Variants in AEBP2 observed in about 807,000 individuals in gnomAD.
AEBP2 encodes AE binding protein 2.
In AEBP2, 10 loss-of-function variants were observed where a neutral mutation model predicts 50.8. That is an observed-to-expected ratio of 0.20 (90% CI 0.12 to 0.33). The LOEUF (loss-of-function observed/expected upper bound fraction) is 0.33, where lower values mean the gene tolerates loss of function less well. Among genes scored for constraint, AEBP2 ranks in the 10% least tolerant of loss-of-function variants. The probability of loss-of-function intolerance (pLI) is 1.00; values close to 1 mark genes in which losing one functional copy is unlikely to be tolerated. For missense variants in AEBP2, 570 were observed against 688.0 expected, an observed-to-expected ratio of 0.83 and a Z score of 1.92; for synonymous variants, 296 against 261.3, an observed-to-expected ratio of 1.13 and a Z score of -1.28.
chr12:19,475,812 G>A (rs1225788712), intron 3 of AEBP2, among the ~76,000 whole-genome samples: 2 of 152,022 alleles, frequency 1.3e-5, no homozygotes, highest in Non-Finnish European at 2.9e-5. Context: ...GTATTGTGTT[G>A]TATATCTTCT....
chr12:19,453,527 G>A (rs1212743527), intron 1 of AEBP2, among the ~76,000 whole-genome samples: 2 of 150,852 alleles, frequency 1.3e-5, no homozygotes, highest in African/African-American at 4.9e-5. Context: ...GGGTTCAAAC[G>A]ATTCTCCTGC....
chr12:19,509,132 G>A, intron 5 of AEBP2: 1 of 505,996 alleles, frequency 2.0e-6, no homozygotes, highest in Admixed American at 2.4e-5. Flanking sequence ...TGTCAGCAGG[G>A]CCTGTGGTGG....
chr12:19,512,965 C>T (rs1949258011), intron 6 of AEBP2, among the ~76,000 whole-genome samples: 1 of 152,028 alleles, frequency 6.6e-6, no homozygotes, highest in Non-Finnish European at 1.5e-5. Flanking sequence ...AACAACAAAA[C>T]AAACAAAAAT....
At chr12:19,477,679 G>A (rs551246728) in intron 3 of AEBP2, among the ~76,000 whole-genome samples, 2 of 152,168 alleles carry the variant, frequency 1.3e-5, no homozygotes, top group East Asian at 3.9e-4. Context: ...TGTTGGATTC[G>A]GTTAGCTAGT....
intron 1 of AEBP2, among the ~76,000 whole-genome samples, chr12:19,447,972 G>T (rs144585806): frequency 1.3e-5 from 2 of 152,178 alleles, no homozygotes; most frequent in African/African-American, 4.8e-5. Flanking sequence ...AGACAAACTC[G>T]GAATATTGCC....
At chr12:19,504,776 C>T (rs760765177) in intron 5 of AEBP2, among the ~76,000 whole-genome samples, 5 of 152,002 alleles carry the variant, frequency 3.3e-5, no homozygotes, top group Non-Finnish European at 5.9e-5. Context: ...TATTAAATAA[C>T]TTTATTTAAA....
Position 19,488,408 on chromosome 12 carries a change from G to A in AEBP2, c.988-5392G>A, listed in dbSNP as rs558286064. ...CTCCCAAAGTGTTGGAATTACAGGC[G>A]TGAGTCATCGCTCCTATCCATATTA... On this transcript the variant is annotated intron_variant, in intron 3 of 7. Coordinates refer to ENST00000266508, the MANE Select transcript of AEBP2 (RefSeq NM_153207.5). 4.0e-5 allele frequency among the ~76,000 whole-genome samples: 6 copies of A among 151,678 alleles called. No individual in the cohort carries two copies. In the South Asian group the frequency reaches 8.3e-4, roughly 21 times the overall value.
At chr12:19,413,007 T>G in intron 1 of AEBP2, 1 of 392,142 alleles carries the variant, frequency 2.6e-6, no homozygotes, top group Non-Finnish European at 4.7e-6. Flanking sequence ...TGCCCCGGCG[T>G]TGGGGTGTGG....
intron 1 of AEBP2, among the ~76,000 whole-genome samples, chr12:19,449,291 T>G (rs1948126613): frequency 1.3e-5 from 2 of 152,206 alleles, no homozygotes; most frequent in South Asian, 4.1e-4. Context: ...CATCTTTGTG[T>G]ATATACATTT....
intron 1 of AEBP2, among the ~76,000 whole-genome samples, chr12:19,460,165 C>T (rs1014483845): frequency 2.0e-5 from 3 of 152,122 alleles, no homozygotes; most frequent in African/African-American, 4.8e-5. Context: ...GCCGTGATAG[C>T]ACCACCGCAC....
At chr12:19,460,426 C>A (rs1948354626) in intron 1 of AEBP2, among the ~76,000 whole-genome samples, 1 of 152,130 alleles carries the variant, frequency 6.6e-6, no homozygotes, top group African/African-American at 2.4e-5. Flanking sequence ...ACTGCAACCT[C>A]CTACTGCAAC....
intron 1 of AEBP2, among the ~76,000 whole-genome samples, chr12:19,458,347 T>C (rs1948310414): frequency 6.6e-6 from 1 of 152,046 alleles, no homozygotes. Flanking sequence ...CTAAGAGGGG[T>C]TGTGAAGCAG....
chr12:19,424,737 G>A (rs1408533718), intron 1 of AEBP2, among the ~76,000 whole-genome samples: 1 of 152,078 alleles, frequency 6.6e-6, no homozygotes, highest in Non-Finnish European at 1.5e-5. Context: ...GCTAGGTGTG[G>A]TGGCTCACAC....
chr12:19,428,265 A>C (rs538304217), intron 1 of AEBP2, among the ~76,000 whole-genome samples: 31 of 152,166 alleles, frequency 2.0e-4, no homozygotes, highest in Non-Finnish European at 4.3e-4. Context: ...ACTGGATAAA[A>C]GATTTCTTTC....
At chr12:19,420,936 C>A (rs2153364411) in intron 1 of AEBP2, among the ~76,000 whole-genome samples, 1 of 152,252 alleles carries the variant, frequency 6.6e-6, no homozygotes, top group Non-Finnish European at 1.5e-5. Flanking sequence ...GTCCCAGGCC[C>A]AACCTGGGAT....
intron 1 of AEBP2, chr12:19,456,108 C>T: frequency 2.0e-6 from 1 of 498,736 alleles, no homozygotes; most frequent in Non-Finnish European, 3.4e-6. Flanking sequence ...ATTCTCCTTT[C>T]CTTCTGAAGG....
chr12:19,415,513 T>G (rs1257687440), intron 1 of AEBP2, among the ~76,000 whole-genome samples: 1 of 150,644 alleles, frequency 6.6e-6, no homozygotes, highest in Non-Finnish European at 1.5e-5. Flanking sequence ...GAGAAATGGG[T>G]TTTTACTGTT....
chr12:19,492,227 CTGTTT>C (rs1411837610), intron 3 of AEBP2, among the ~76,000 whole-genome samples: 4 of 152,108 alleles, frequency 2.6e-5, no homozygotes, highest in African/African-American at 4.8e-5. Flanking sequence ...TGGATATTTT[CTGTTT>C]TGTTTTGTTT....
At chr12:19,507,274 G>C (rs1949166165) in intron 5 of AEBP2, among the ~76,000 whole-genome samples, 1 of 152,190 alleles carries the variant, frequency 6.6e-6, no homozygotes, top group Non-Finnish European at 1.5e-5. Context: ...TGTCTCTACA[G>C]ATAAGGGAGA....
Sources: gnomAD v4.1 joint callset for allele counts (sites outside exome capture counted in the v4.1 genomes callset) on GRCh38, gnomAD v4.1.1 for gene constraint, MANE v1.5 for transcripts, NCBI Gene and HGNC (gene_info 2026-07-23, HGNC 2026-07-21) for gene names.